PRKG1: variants seen among roughly 807,000 people sequenced by gnomAD.
PRKG1 encodes the protein protein kinase cGMP-dependent 1.
Under a neutral mutation model 88.1 loss-of-function variants are expected in PRKG1, and 35 were observed. That is an observed-to-expected ratio of 0.40 (90% confidence interval 0.30 to 0.53). The LOEUF (loss-of-function observed/expected upper bound fraction) is 0.53, where lower values mean the gene tolerates loss of function less well. Among genes scored for constraint, PRKG1 ranks in the 20% least tolerant of loss-of-function variants. The pLI, the probability that PRKG1 is intolerant of heterozygous loss-of-function variation, is 0.59. For missense variants in PRKG1, 540 were observed against 839.8 expected (o/e 0.64, Z 4.41); for synonymous variants, 303 against 292.5 (o/e 1.04, Z -0.37).
At chr10:52,108,378 G>A (rs901160254) in intron 7 of PRKG1, among the ~76,000 whole-genome samples, 1 of 152,122 alleles carries the variant, frequency 6.6e-6, no homozygotes, top group Non-Finnish European at 1.5e-5. Flanking sequence ...TTTTTTTCAG[G>A]GAACTCTGCC....
At chr10:51,721,340 G>T (rs1436710406) in intron 3 of PRKG1, among the ~76,000 whole-genome samples, 1 of 151,878 alleles carries the variant, frequency 6.6e-6, no homozygotes, top group African/African-American at 2.4e-5. Context: ...TTTATTAAAT[G>T]CACTCATGTA....
chr10:52,133,031 A>G (rs889306260), intron 7 of PRKG1, among the ~76,000 whole-genome samples: 5 of 133,204 alleles, frequency 3.8e-5, no homozygotes, highest in African/African-American at 1.5e-4. Flanking sequence ...ACTATCAAAT[A>G]GTTAAGTCTT....
intron 3 of PRKG1, chr10:51,697,649 A>G: frequency 6.3e-7 from 1 of 1,586,262 alleles, no homozygotes; most frequent in Non-Finnish European, 8.6e-7. Flanking sequence ...CCCATTCTCC[A>G]TGCTACAGAA....
At chr10:51,827,436 G>T (rs1294944850) in intron 4 of PRKG1, among the ~76,000 whole-genome samples, 2 of 152,060 alleles carry the variant, frequency 1.3e-5, no homozygotes, top group Admixed American at 1.3e-4. Context: ...ATGGTTCTAT[G>T]AAATGTATAA....
intron 2 of PRKG1, among the ~76,000 whole-genome samples, chr10:51,308,768 G>C (rs1424865320): frequency 6.6e-6 from 1 of 152,132 alleles, no homozygotes; most frequent in Non-Finnish European, 1.5e-5. Flanking sequence ...CACATTTAGG[G>C]TAAATTAAAG....
At chr10:51,795,363 C>T (rs1277976302) in intron 3 of PRKG1, among the ~76,000 whole-genome samples, 2 of 152,002 alleles carry the variant, frequency 1.3e-5, no homozygotes, top group Non-Finnish European at 2.9e-5. Context: ...AATTTTATGA[C>T]CCATCCTCTA....
In PRKG1 at chr10:51,537,126, G is replaced by A. The variant is rs568354486; in HGVS notation, c.592+69290G>A. On this transcript the variant is annotated intron_variant, in intron 3 of 17. Transcript: ENST00000373980. ...AGATGTGCAAAATGGGTTCTGACAGGCTGCTACCTATGTAATGATCATAAG... is the reference window on the plus strand; with the variant it reads ...AGATGTGCAAAATGGGTTCTGACAGACTGCTACCTATGTAATGATCATAAG... 2.6e-5 allele frequency among the ~76,000 whole-genome samples: 4 copies of A among 152,156 alleles called. No individual in the cohort carries two copies. The South Asian group carries it at 8.3e-4, about 32-fold the overall frequency.
chr10:51,628,156 C>A (rs199850145), intron 3 of PRKG1, among the ~76,000 whole-genome samples: 29 of 59,650 alleles, frequency 4.9e-4, no homozygotes, highest in African/African-American at 1.4e-3. Context: ...TTCTTTCTTT[C>A]TTTCTTTATT....
chr10:51,748,117 G>GA (rs1394536501), intron 3 of PRKG1, among the ~76,000 whole-genome samples: 2 of 152,246 alleles, frequency 1.3e-5, no homozygotes, highest in African/African-American at 4.8e-5. Context: ...ATTCACCTGG[G>GA]AAAAATCTAC....
chr10:52,028,653 G>C (rs1845403827), intron 5 of PRKG1, among the ~76,000 whole-genome samples: 2 of 152,166 alleles, frequency 1.3e-5, no homozygotes, highest in Admixed American at 1.3e-4. Context: ...CCAATACCTA[G>C]TTTATTTTTA....
intron 3 of PRKG1, among the ~76,000 whole-genome samples, chr10:51,761,752 G>T (rs1838027545): frequency 6.6e-6 from 1 of 152,004 alleles, no homozygotes; most frequent in Admixed American, 6.6e-5. Flanking sequence ...TCAGGCATGG[G>T]AACTATTTTG....
chr10:51,591,874 G>T (rs1838321054), intron 3 of PRKG1, among the ~76,000 whole-genome samples: 1 of 152,074 alleles, frequency 6.6e-6, no homozygotes, highest in African/African-American at 2.4e-5. Context: ...CATTGCATTG[G>T]GTCAGGTACA....
chr10:52,068,870 T>C (rs1348608879), intron 7 of PRKG1, among the ~76,000 whole-genome samples: 2 of 152,224 alleles, frequency 1.3e-5, no homozygotes, highest in Non-Finnish European at 2.9e-5. Flanking sequence ...CGTTAGGTCA[T>C]AGCTTCTGGT....
rs1837343337 is a variant in PRKG1, at chr10:51,181,414, T to C, written c.478+28084T>C. ...CCGCCACCGCGCCCGGCTAATTTTT[T>C]GTATTTTTAGTAGAGACGGGGTTTC... On this transcript the variant is annotated intron_variant, in intron 2 of 17. Coordinates refer to ENST00000373980, the MANE Select transcript of PRKG1 (RefSeq NM_006258.4). 2.7e-5 allele frequency among the ~76,000 whole-genome samples: 4 copies of C among 150,414 alleles called. No homozygotes were observed. The South Asian group carries it at 8.5e-4, about 32-fold the overall frequency.
At chr10:51,373,550 C>T (rs569400130) in intron 2 of PRKG1, among the ~76,000 whole-genome samples, 12 of 152,120 alleles carry the variant, frequency 7.9e-5, no homozygotes, top group Non-Finnish European at 1.5e-4. Flanking sequence ...CTAGATATTA[C>T]GCCTGGCATG....
chr10:51,278,341 C>T (rs1197478595), intron 2 of PRKG1, among the ~76,000 whole-genome samples: 1 of 152,174 alleles, frequency 6.6e-6, no homozygotes, highest in Non-Finnish European at 1.5e-5. Flanking sequence ...TGATGTGTTG[C>T]TGGATTCAGT....
At chr10:51,399,632 C>T (rs1449777417) in intron 2 of PRKG1, among the ~76,000 whole-genome samples, 1 of 152,186 alleles carries the variant, frequency 6.6e-6, no homozygotes, top group East Asian at 1.9e-4. Flanking sequence ...ACATTCTCAT[C>T]ACTGTTTTTC....
intron 5 of PRKG1, among the ~76,000 whole-genome samples, chr10:51,959,648 T>C (rs185983600): frequency 5.6e-4 from 85 of 152,176 alleles, no homozygotes; most frequent in Middle Eastern, 3.4e-3. Flanking sequence ...GCAGGAGTCA[T>C]AGGGTTTAAA....
chr10:51,556,629 C>A (rs1413465599), intron 3 of PRKG1, among the ~76,000 whole-genome samples: 2 of 151,936 alleles, frequency 1.3e-5, no homozygotes, highest in Non-Finnish European at 2.9e-5. Flanking sequence ...AACAGAAAAC[C>A]AAATGCTACA....
Sources: allele counts gnomAD v4.1 joint callset (sites outside exome capture counted in the v4.1 genomes callset), GRCh38; gene constraint gnomAD v4.1.1; transcripts MANE v1.5; gene names NCBI Gene and HGNC (gene_info 2026-07-23, HGNC 2026-07-21).